Variants in SLC22A23 observed in about 807,000 individuals in gnomAD.
The protein encoded by SLC22A23 is ion transporter protein.
Under a neutral mutation model 61.0 loss-of-function variants are expected in SLC22A23, and 26 were observed. The ratio of observed to expected loss-of-function variants is 0.43; its 90% CI spans 0.31 to 0.59. The LOEUF is 0.59. SLC22A23 is among the 20% of genes least tolerant of loss of function. The probability of loss-of-function intolerance (pLI) is 0.11; values close to 1 mark genes in which losing one functional copy is unlikely to be tolerated. For synonymous variants in SLC22A23, 430 were observed against 413.9 expected, an observed-to-expected ratio of 1.04 and a Z score of -0.47; for missense variants, 796 against 934.7, an observed-to-expected ratio of 0.85 and a Z score of 1.94.
intron 1 of SLC22A23, among the ~76,000 whole-genome samples, chr6:3,417,498 G>A (rs927146789): frequency 6.6e-6 from 1 of 152,186 alleles, no homozygotes; most frequent in Non-Finnish European, 1.5e-5. Context: ...TTCAGACACA[G>A]GAGCTCCTTA....
chr6:3,452,804 A>G (rs1489445885), intron 1 of SLC22A23, among the ~76,000 whole-genome samples: 1 of 152,184 alleles, frequency 6.6e-6, no homozygotes, highest in African/African-American at 2.4e-5. Context: ...AATAACAAAT[A>G]CAAAGGCCAA....
chr6:3,438,870 C>T (rs1771397959), intron 1 of SLC22A23, among the ~76,000 whole-genome samples: 1 of 152,192 alleles, frequency 6.6e-6, no homozygotes, highest in South Asian at 2.1e-4. Context: ...GGCAGGGAAC[C>T]GTGGCTGCCT....
At chr6:3,346,007 C>T (rs1463472305) in intron 3 of SLC22A23, among the ~76,000 whole-genome samples, 5 of 152,158 alleles carry the variant, frequency 3.3e-5, no homozygotes, top group Non-Finnish European at 2.9e-5. Flanking sequence ...ATGGTACACA[C>T]GCTTGCTGTC....
Position 3,452,092 on chromosome 6 carries a change from C to T in SLC22A23, c.654+3814G>A, listed in dbSNP as rs182246862. ...TGGGCTAATGTGAGTGTTCTCAGCA[C>T]ATCTGAGGTAGGCTGGGCTAAGCCA... On this transcript the variant is annotated intron_variant, in intron 1 of 9. Transcript: ENST00000406686. 1.1e-4 allele frequency among the ~76,000 whole-genome samples: 16 copies of T among 152,266 alleles called. 1 individual carries two copies. The East Asian group carries it at 2.9e-3, about 28-fold the overall frequency.
chr6:3,292,205 C>T (rs1187996273), intron 5 of SLC22A23, among the ~76,000 whole-genome samples: 1 of 152,218 alleles, frequency 6.6e-6, no homozygotes, highest in African/African-American at 2.4e-5. Flanking sequence ...TATATCTGTT[C>T]TTCTGGGCCT....
chr6:3,313,977 C>A (rs774993927), intron 4 of SLC22A23, among the ~76,000 whole-genome samples: 1 of 152,072 alleles, frequency 6.6e-6, no homozygotes, highest in Non-Finnish European at 1.5e-5. Flanking sequence ...TGTAGTGAGC[C>A]GAGATTGTGC....
At chr6:3,452,775 C>T (rs978370751) in intron 1 of SLC22A23, among the ~76,000 whole-genome samples, 2 of 152,072 alleles carry the variant, frequency 1.3e-5, no homozygotes, top group East Asian at 1.9e-4. Flanking sequence ...GCAGATTCTG[C>T]GATGCAAATT....
rs755930741 is a variant in SLC22A23 at position 3,289,886 on chromosome 6, G to A, written c.1211-20C>T. 3.1e-6 allele frequency: 5 copies of A among 1,608,566 alleles called. No homozygotes were observed. The East Asian group carries it at 8.9e-5, about 29-fold the overall frequency. On this transcript the variant is annotated intron_variant, in intron 5 of 9. Coordinates refer to ENST00000406686, the MANE Select transcript of SLC22A23 (RefSeq NM_015482.2). Reference sequence around the variant, plus strand: ...CCAGCTCTGCAAAGAAACAGACCCTGTGAGCCCTGGGCAGGCCGCCCACAG... The same window carrying A: ...CCAGCTCTGCAAAGAAACAGACCCTATGAGCCCTGGGCAGGCCGCCCACAG...
chr6:3,365,928 C>G (rs1268235363), intron 3 of SLC22A23, among the ~76,000 whole-genome samples: 1 of 152,212 alleles, frequency 6.6e-6, no homozygotes, highest in East Asian at 1.9e-4. Flanking sequence ...CACTTAATTT[C>G]TCTCTGGCTC....
chr6:3,415,695 C>G, intron 2 of SLC22A23, 57 bp downstream of exon 2: 6 of 1,249,780 alleles, frequency 4.8e-6, no homozygotes, highest in Non-Finnish European at 6.9e-6. Flanking sequence ...TTTCTTTAGC[C>G]AGCAAAGGCG....
At chr6:3,280,868 G>A (rs922372733) in intron 9 of SLC22A23, among the ~76,000 whole-genome samples, 11 of 152,026 alleles carry the variant, frequency 7.2e-5, no homozygotes, top group Non-Finnish European at 1.5e-4. Flanking sequence ...CCTGGCCCTC[G>A]GTGCCTATTC....
intron 7 of SLC22A23, among the ~76,000 whole-genome samples, chr6:3,285,491 G>A (rs1458509557): frequency 6.6e-6 from 1 of 152,208 alleles, no homozygotes; most frequent in Non-Finnish European, 1.5e-5. Context: ...CCCCAGCTCT[G>A]CTCCTCACGG....
chr6:3,408,370 G>T (rs1768970173), intron 3 of SLC22A23, among the ~76,000 whole-genome samples: 1 of 152,222 alleles, frequency 6.6e-6, no homozygotes, highest in East Asian at 1.9e-4. Context: ...AGAGGTCAAT[G>T]GCATGATGTC....
rs73720893 is a variant in SLC22A23, at chr6:3,427,975, T to G, written c.655-12120A>C. ...GAAGGCTCCCGACCTTCCACTTCAG[T>G]GCCTCCGGCATCCTGGGGACAAGCG... On this transcript the variant is annotated intron_variant, in intron 1 of 9. Coordinates refer to ENST00000406686, the MANE Select transcript of SLC22A23 (RefSeq NM_015482.2). This position sits in a 1 kb window ranked among gnomAD's most constrained non-coding sequence, Gnocchi z 4.3. Among the ~76,000 whole-genome samples, 853 of 152,314 alleles carry G rather than the reference T, an allele frequency of 5.6e-3. 10 individuals are homozygous for G. The highest frequency in any genetic ancestry group is 0.02 in the African/African-American group (813 of 41,580).
intron 6 of SLC22A23, among the ~76,000 whole-genome samples, chr6:3,287,618 TGGA>T (rs2127324153): frequency 6.6e-6 from 1 of 151,756 alleles, no homozygotes; most frequent in Non-Finnish European, 1.5e-5. Context: ...CCACACAGCC[TGGA>T]GGAGTCGGGC....
chr6:3,420,812 C>A (rs2127529136), intron 1 of SLC22A23, among the ~76,000 whole-genome samples: 1 of 152,274 alleles, frequency 6.6e-6, no homozygotes, highest in Middle Eastern at 3.4e-3. Flanking sequence ...TTTGATTTCA[C>A]TAATGAAGAC....
intron 9 of SLC22A23, chr6:3,283,620 T>A: frequency 1.9e-6 from 1 of 524,628 alleles, no homozygotes; most frequent in Admixed American, 2.8e-5. Context: ...TAGCTCCCTG[T>A]TCCCCCTTCC....
rs1435378269 is a variant in SLC22A23, at chr6:3,390,800, C to A, written c.913+19388G>T. ...TTCTAAACATCAGTCTCAGGCCCTA[C>A]AGGCTTCAATAATATGCTGCCTATC... On this transcript the variant is annotated intron_variant, in intron 3 of 9. Transcript: ENST00000406686. This position sits in a 1 kb window ranked among gnomAD's most constrained non-coding sequence, Gnocchi z 4.0. Among the ~76,000 whole-genome samples, 1 of 152,200 alleles carries A rather than the reference C, an allele frequency of 6.6e-6. No homozygotes were observed. The highest frequency in any genetic ancestry group is 2.4e-5 in the African/African-American group (1 of 41,458).
intron 1 of SLC22A23, among the ~76,000 whole-genome samples, chr6:3,446,569 G>C (rs560512952): frequency 1.3e-5 from 2 of 152,286 alleles, no homozygotes; most frequent in East Asian, 3.9e-4. Flanking sequence ...GTTTTCTATC[G>C]ACAGCCCTGG....
Sources: gnomAD v4.1 joint callset for allele counts (sites outside exome capture counted in the v4.1 genomes callset) on GRCh38, gnomAD v4.1.1 for gene constraint, Gnocchi (gnomAD v3.1) non-coding constraint, MANE v1.5 for transcripts, NCBI Gene and HGNC (gene_info 2026-07-23, HGNC 2026-07-21) for gene names.